CORO1A: variants seen among roughly 807,000 people sequenced by gnomAD.
CORO1A encodes coronin 1A, also known as coronin-1A.
A neutral mutation model predicts 44.1 loss-of-function variants in CORO1A; 17 were observed. The observed-to-expected ratio is 0.39, with a 90% CI of 0.26 to 0.58. The LOEUF is 0.58. CORO1A is among the 20% of genes least tolerant of loss of function. CORO1A has a pLI of 0.62. For missense variants in CORO1A, 415 were observed against 606.5 expected (o/e 0.68, Z 3.32); for synonymous variants, 271 against 244.2 (o/e 1.11, Z -1.02).
chr16:30,187,742 G>A lies in CORO1A; in HGVS notation c.774G>A (p.Pro258=), dbSNP rs187747730. Residue 258 remains proline, a synonymous_variant, in exon 7 of 11, where the codon CCG becomes CCA. Transcript: ENST00000219150. Reference sequence around the variant, plus strand: ...GTCTACAGAAGCACCTGGAGGAGCCGCTGTCCCTGCAGGAGCTGGACACCA... The same window carrying A: ...GTCTACAGAAGCACCTGGAGGAGCCACTGTCCCTGCAGGAGCTGGACACCA... ...ALWDTKHLEE[P]LSLQELDTSS... 1.7e-5 allele frequency: 28 copies of A among 1,611,520 alleles called. No individual in the cohort carries two copies. The highest frequency in any genetic ancestry group is 1.5e-4 in the Admixed American group (9 of 59,982).
intron 7 of CORO1A, 30 bp from the exon 8 acceptor site, chr16:30,187,912 T>G: frequency 1.9e-6 from 3 of 1,613,410 alleles, no homozygotes; most frequent in Non-Finnish European, 2.5e-6. Flanking sequence ...CCGCTGGTAT[T>G]GACCCTCCCT....
chr16:30,185,730 C>T (rs1374930115), intron 2 of CORO1A: 2 of 405,388 alleles, frequency 4.9e-6, no homozygotes, highest in African/African-American at 2.0e-5. Context: ...GGGATGGGGT[C>T]TGGGGGCCCT....
At chr16:30,185,155 G>A in intron 1 of CORO1A, 54 bp from the exon 2 acceptor site, 1 of 1,576,014 alleles carries the variant, frequency 6.3e-7, no homozygotes, top group South Asian at 1.1e-5. Flanking sequence ...GGGGACCACT[G>A]GAAGATCAGA....
rs775411755 is a variant in CORO1A at position 30,186,864 on chromosome 16, G to A, written c.370G>A (p.Val124Ile). ...GGLMLPLREP[V>I]VTLEGHTKRV... is the part of the protein sequence containing the mutation. Reference sequence around the variant, plus strand: ...CCTGATGCTGCCCCTGCGGGAGCCCGTCGTCACCCTGGAGGGCCACACCAA... The same window carrying A: ...CCTGATGCTGCCCCTGCGGGAGCCCATCGTCACCCTGGAGGGCCACACCAA... The change falls in exon 4 of 11, where the codon GTC (valine) becomes ATC (isoleucine). Residue 124 changes from valine to isoleucine, a missense_variant. By Grantham distance (29) the Val-to-Ile change is conservative. Around this residue, in one of 2 missense-constraint regions of CORO1A, gnomAD observed 325 missense variants for 521.7 expected, o/e 0.62. Coordinates refer to ENST00000219150, the MANE Select transcript of CORO1A (RefSeq NM_007074.4). 6.8e-6 allele frequency: 11 copies of A among 1,611,932 alleles called. No homozygotes were observed. Among genetic ancestry groups the A allele is most frequent in the South Asian group, 1.1e-5 (1 of 91,088 alleles).
rs35900366 is a variant in CORO1A at position 30,188,263 on chromosome 16, G to A, written c.1065+14G>A. On this transcript the variant is annotated intron_variant, in intron 9 of 10. Coordinates refer to ENST00000219150, the MANE Select transcript of CORO1A (RefSeq NM_007074.4). ...GTGCCTCGAAAGGTGATGCTCCCCC[G>A]CCCCACCCTGGGCTCCAGGCTGGGC... 0.072 allele frequency: 116,802 copies of A among 1,613,230 alleles called. 9,233 individuals are homozygous for A. Among genetic ancestry groups the A allele is most frequent in the African/African-American group, 0.41 (30,466 of 74,906 alleles).
rs531482387 is a variant in CORO1A, at chr16:30,187,184, C to G, written c.597C>G (p.Arg199=). The stretch of plus-strand genomic sequence containing the variant: ...TTTGTACCTCCTGCCGTGACAAGCG[C>G]GTGCGCATCATCGAGCCCCGCAAAG... The part of the protein sequence containing the change: ...GLICTSCRDK[R]VRIIEPRKGT... The change falls in exon 5 of 11, where the codon CGC becomes CGG. Residue 199 remains arginine, a synonymous_variant. Transcript: ENST00000219150. 1 of 1,613,706 alleles carries G rather than the reference C, an allele frequency of 6.2e-7. No individual in the cohort carries two copies.
At chr16:30,185,675 A>T in intron 2 of CORO1A, 1 of 533,330 alleles carries the variant, frequency 1.9e-6, no homozygotes, top group Non-Finnish European at 3.4e-6. Context: ...AGCCCTCCTG[A>T]GCCTCAGCCT....
chr16:30,187,574 C>A, intron 6 of CORO1A, 73 bp downstream of exon 6: 1 of 1,554,504 alleles, frequency 6.4e-7, no homozygotes, highest in African/African-American at 1.4e-5. Flanking sequence ...CCTGCTCTGC[C>A]ACTCACCTGG....
In CORO1A at chr16:30,187,197, G is replaced by A. The variant is rs752499984; in HGVS notation, c.610G>A (p.Glu204Lys). ...SCRDKRVRII[E>K]PRKGTVVAEK... ...CCGTGACAAGCGCGTGCGCATCATCGAGCCCCGCAAAGGCACTGTCGTAGC... is the reference window on the plus strand; with the variant it reads ...CCGTGACAAGCGCGTGCGCATCATCAAGCCCCGCAAAGGCACTGTCGTAGC... The change falls in exon 5 of 11, where the codon GAG becomes AAG. Residue 204 changes from glutamate to lysine, a missense_variant. Physicochemically the swap from Glu to Lys is moderately conservative, Grantham distance 56 (BLOSUM62 1). Around this residue, in one of 2 missense-constraint regions of CORO1A, gnomAD observed 325 missense variants for 521.7 expected, o/e 0.62. Transcript: ENST00000219150. The A allele has an allele frequency of 6.2e-7, 1 of 1,613,218 alleles. No homozygotes were observed.
chr16:30,187,842 G>A lies in CORO1A; in HGVS notation c.861+13G>A. 2 of 1,580,966 alleles carry A rather than the reference G, an allele frequency of 1.3e-6. No homozygotes were observed. Among genetic ancestry groups the A allele is most frequent in the Non-Finnish European group, 1.7e-6 (2 of 1,152,404 alleles). The stretch of plus-strand genomic sequence containing the variant: ...CCTCTGTGGCAAGGTGGCCTCGTCG[G>A]GCGGGGTGGGGGTGGGAGGTGGGCA... On this transcript the variant is annotated intron_variant, in intron 7 of 10. Coordinates refer to ENST00000219150, the MANE Select transcript of CORO1A (RefSeq NM_007074.4).
rs746348200 is a variant in CORO1A at position 30,187,208 on chromosome 16, A to AGGCAC, written c.622_626dup (p.Val210AlafsTer4). Reference sequence around the variant, plus strand: ...GCGTGCGCATCATCGAGCCCCGCAAAGGCACTGTCGTAGCTGTGAGTCGCC... The same window carrying AGGCAC: ...GCGTGCGCATCATCGAGCCCCGCAAAGGCACGGCACTGTCGTAGCTGTGAGTCGCC... On this transcript the variant is annotated frameshift_variant, in exon 5 of 11. Coordinates refer to ENST00000219150, the MANE Select transcript of CORO1A (RefSeq NM_007074.4). LOFTEE classifies it high-confidence loss of function. 1 of 1,612,906 alleles carries AGGCAC rather than the reference A, an allele frequency of 6.2e-7. No individual in the cohort carries two copies.
At position 30,187,107 on chromosome 16, in the gene CORO1A, G is replaced by A. The variant is rs769707848; in HGVS notation, c.520G>A (p.Val174Met). ...GGCCATGCTGACACTGGGCCCAGAGGTGCACCCAGACACGATCTACAGTGT... is the reference window on the plus strand; with the variant it reads ...GGCCATGCTGACACTGGGCCCAGAGATGCACCCAGACACGATCTACAGTGT... ...GAAMLTLGPE[V>M]HPDTIYSVDW... is the part of the protein sequence containing the mutation. The change falls in exon 5 of 11, where the codon GTG becomes ATG. Residue 174 changes from valine (V) to methionine (M), a missense_variant. Val to Met is a conservative substitution (Grantham distance 21). Transcript: ENST00000219150. 27 of 1,613,994 alleles carry A rather than the reference G, an allele frequency of 1.7e-5. No homozygotes were observed. Among genetic ancestry groups the A allele is most frequent in the African/African-American group, 4.0e-5 (3 of 74,918 alleles).
chr16:30,188,898 C>T lies in CORO1A; in HGVS notation c.1320C>T (p.Leu440=). 2 of 340,218 alleles carry T rather than the reference C, an allele frequency of 5.9e-6. No individual in the cohort carries two copies. The highest frequency in any genetic ancestry group is 1.0e-5 in the Non-Finnish European group (2 of 198,586). The allele number at this position is 340,218 out of a possible 1,614,324, so 21.1% of individuals were successfully genotyped here. ...VSRLEEEMRK[L]QATVQELQKR... is the part of the protein sequence containing the mutation. ...GGCTGGAGGAGGAGATGCGGAAGCT[C>T]CAGGCCACGGTGCAGGAGCTCCAGA... Residue 440 remains leucine, a synonymous_variant, in exon 11 of 11, where the codon CTC becomes CTT. Transcript: ENST00000219150.
intron 2 of CORO1A, chr16:30,186,369 G>A (rs1173153353): frequency 1.7e-6 from 1 of 571,770 alleles, no homozygotes; most frequent in Non-Finnish European, 3.2e-6. Context: ...CCAGGGTCTT[G>A]CACGGCCCCC....
At position 30,188,517 on chromosome 16, in the gene CORO1A, C is replaced by A. The variant is rs373093101; in HGVS notation, c.1222C>A (p.Arg408=). 1.3e-6 allele frequency: 2 copies of A among 1,499,360 alleles called. No homozygotes were observed. Among genetic ancestry groups the A allele is most frequent in the Admixed American group, 3.6e-5 (2 of 55,992 alleles). The allele number at this position is 1,499,360 out of a possible 1,614,324, so 92.9% of individuals were successfully genotyped here. ...AAAGAGCCGGGAGCTGAGGGTCAAC[C>A]GGGGCCTGGACACCGGGCGCAGGAG... is the stretch of plus-strand genomic sequence containing the variant. The part of the protein sequence containing the change: ...PPKSRELRVN[R]GLDTGRRRAA... The change falls in exon 10 of 11, where the codon CGG becomes AGG. Residue 408 remains arginine (R), a synonymous_variant. Coordinates refer to ENST00000219150, the MANE Select transcript of CORO1A (RefSeq NM_007074.4).
rs1358055764 is a variant in CORO1A at position 30,187,935 on chromosome 16, C to A, written c.862-7C>A. ...ATTGACCCTCCCTCCACACCTGCCACCTACAGGGTGACAGCTCAATCCGGT... is the reference window on the plus strand; with the variant it reads ...ATTGACCCTCCCTCCACACCTGCCAACTACAGGGTGACAGCTCAATCCGGT... On this transcript the variant is annotated splice_region_variant and splice_polypyrimidine_tract_variant and intron_variant, in intron 7 of 10. Coordinates refer to ENST00000219150, the MANE Select transcript of CORO1A (RefSeq NM_007074.4). 6.2e-7 allele frequency: 1 copy of A among 1,613,858 alleles called. No individual in the cohort carries two copies. The highest frequency in any genetic ancestry group is 1.3e-5 in the African/African-American group (1 of 74,898).
rs2073319331 is a variant in CORO1A, at chr16:30,185,193, T to C, written c.-1-16T>C. The C allele has an allele frequency of 2.5e-6, 4 of 1,613,548 alleles. No individual in the cohort carries two copies. Among genetic ancestry groups the C allele is most frequent in the Admixed American group, 1.7e-5 (1 of 60,012 alleles). On this transcript the variant is annotated splice_polypyrimidine_tract_variant and intron_variant, in intron 1 of 10. Coordinates refer to ENST00000219150, the MANE Select transcript of CORO1A (RefSeq NM_007074.4). ...TGACCTGAAGGGAGAAATGCTCTTA[T>C]GCTGTGTGCCCCCAGAATGAGCCGG...
At chr16:30,187,313 G>A (rs765863291) in intron 5 of CORO1A, 69 bp from the exon 6 acceptor site, 79 of 1,605,184 alleles carry the variant, frequency 4.9e-5, no homozygotes, top group Non-Finnish European at 6.0e-5. Flanking sequence ...GCCCTCCCTC[G>A]CCTCCACCTG....
chr16:30,187,118 C>T lies in CORO1A; in HGVS notation c.531C>T (p.Asp177=). 1.2e-6 allele frequency: 2 copies of T among 1,614,152 alleles called. No individual in the cohort carries two copies. Among genetic ancestry groups the T allele is most frequent in the Non-Finnish European group, 1.7e-6 (2 of 1,180,020 alleles). ...CACTGGGCCCAGAGGTGCACCCAGA[C>T]ACGATCTACAGTGTGGACTGGAGCC... ...MLTLGPEVHP[D]TIYSVDWSRD... Residue 177 remains aspartate (D), a synonymous_variant, in exon 5 of 11, where the codon GAC becomes GAT. Coordinates refer to ENST00000219150, the MANE Select transcript of CORO1A (RefSeq NM_007074.4).
Sources: allele counts gnomAD v4.1 joint callset, GRCh38; gene constraint gnomAD v4.1.1; regional missense constraint gnomAD v4.1.1; transcripts MANE v1.5; gene names NCBI Gene and HGNC (gene_info 2026-07-23, HGNC 2026-07-21).